The following CALCR variants were observed in gnomAD, a reference collection of about 807,000 sequenced individuals.
CALCR encodes the protein calcitonin receptor.
CALCR carries 47 observed loss-of-function variants against 59.5 expected under a neutral mutation model. That is an observed-to-expected ratio of 0.79 (90% CI 0.63 to 1.01). The LOEUF (loss-of-function observed/expected upper bound fraction) is 1.01, where lower values mean the gene tolerates loss of function less well. Among genes scored for constraint, CALCR ranks in the 50% least tolerant of loss-of-function variants. CALCR has a pLI of 0.00. For synonymous variants in CALCR, 213 were observed against 211.3 expected (o/e 1.01, Z -0.07); for missense variants, 566 against 597.1 (o/e 0.95, Z 0.54).
At chr7:93,539,870 C>T (rs748068858) in intron 2 of CALCR, among the ~76,000 whole-genome samples, 3 of 152,284 alleles carry the variant, frequency 2.0e-5, no homozygotes, top group Non-Finnish European at 4.4e-5. Flanking sequence ...GGAGAACCCA[C>T]ATCAAAGTAG....
intron 2 of CALCR, among the ~76,000 whole-genome samples, chr7:93,529,425 A>G (rs1320708900): frequency 6.6e-6 from 1 of 152,178 alleles, no homozygotes; most frequent in Non-Finnish European, 1.5e-5. Flanking sequence ...ACCATGAGTT[A>G]ATTAAACCTC....
intron 13 of CALCR, among the ~76,000 whole-genome samples, chr7:93,428,017 GT>G (rs1463650958): frequency 2.0e-5 from 3 of 152,114 alleles, no homozygotes; most frequent in Admixed American, 2.0e-4. Context: ...GTTTTATTTT[GT>G]TTTGGGGTTA....
intron 8 of CALCR, among the ~76,000 whole-genome samples, chr7:93,450,839 T>C (rs1800094155): frequency 6.6e-6 from 1 of 151,968 alleles, no homozygotes; most frequent in South Asian, 2.1e-4. Flanking sequence ...CACTGTAATA[T>C]ATACCCTGTA....
At chr7:93,552,478 A>C (rs747345092) in intron 2 of CALCR, among the ~76,000 whole-genome samples, 3 of 152,176 alleles carry the variant, frequency 2.0e-5, no homozygotes, top group Non-Finnish European at 2.9e-5. Flanking sequence ...TACAAATATG[A>C]TTTCAACTAA....
At chr7:93,568,476 C>T (rs961111189) in intron 2 of CALCR, among the ~76,000 whole-genome samples, 7 of 150,516 alleles carry the variant, frequency 4.7e-5, no homozygotes, top group East Asian at 2.0e-4. Flanking sequence ...CATGAGTGCT[C>T]GCTTTCTCCT....
chr7:93,516,379 A>C (rs999365219), intron 2 of CALCR, among the ~76,000 whole-genome samples: 2 of 151,976 alleles, frequency 1.3e-5, no homozygotes, highest in Admixed American at 6.6e-5. Flanking sequence ...ATTTATTCTA[A>C]GAAAATAATC....
chr7:93,486,549 A>T (rs1369144393), intron 3 of CALCR, among the ~76,000 whole-genome samples: 1 of 151,546 alleles, frequency 6.6e-6, no homozygotes. Flanking sequence ...TGAACAGCCC[A>T]GAAACTATCA....
chr7:93,445,706 T>C (rs1395180669), intron 8 of CALCR, among the ~76,000 whole-genome samples: 1 of 152,102 alleles, frequency 6.6e-6, no homozygotes, highest in East Asian at 1.9e-4. Flanking sequence ...TTAACATATG[T>C]TGCTGCTTCA....
chr7:93,563,790 A>G (rs959220855), intron 2 of CALCR, among the ~76,000 whole-genome samples: 1 of 152,168 alleles, frequency 6.6e-6, no homozygotes, highest in African/African-American at 2.4e-5. Context: ...ATTTACTTAC[A>G]TACTGGAGCT....
chr7:93,529,815 A>T (rs1487734194), intron 2 of CALCR, among the ~76,000 whole-genome samples: 1 of 152,172 alleles, frequency 6.6e-6, no homozygotes, highest in Non-Finnish European at 1.5e-5. Flanking sequence ...TAAAATACTT[A>T]GAATAGTCAC....
chr7:93,436,443 T>C (rs1411430415), intron 11 of CALCR, among the ~76,000 whole-genome samples: 1 of 152,172 alleles, frequency 6.6e-6, no homozygotes, highest in Non-Finnish European at 1.5e-5. Flanking sequence ...AATATGAGCC[T>C]TTCTATGGCG....
At chr7:93,479,240 G>T in intron 4 of CALCR, 114 bp downstream of exon 4, 1 of 1,048,886 alleles carries the variant, frequency 9.5e-7, no homozygotes, top group Non-Finnish European at 1.4e-6. Context: ...TGTGAAAACT[G>T]CTGTGAAAAC....
intron 2 of CALCR, among the ~76,000 whole-genome samples, chr7:93,504,678 T>C (rs1801390019): frequency 6.6e-6 from 1 of 152,166 alleles, no homozygotes; most frequent in African/African-American, 2.4e-5. Flanking sequence ...TAAGCAAAAC[T>C]GTATTTTTTT....
intron 2 of CALCR, among the ~76,000 whole-genome samples, chr7:93,558,701 A>G (rs189693612): frequency 9.2e-5 from 14 of 152,152 alleles, no homozygotes; most frequent in Non-Finnish European, 1.9e-4. Context: ...TACTGGAAGA[A>G]AAGAAAATAT....
At chr7:93,455,320 C>T (rs1005207840) in intron 8 of CALCR, among the ~76,000 whole-genome samples, 7 of 151,906 alleles carry the variant, frequency 4.6e-5, no homozygotes, top group Non-Finnish European at 8.8e-5. Flanking sequence ...TTGTCGTTCT[C>T]ATATTAGTTG....
intron 2 of CALCR, among the ~76,000 whole-genome samples, chr7:93,549,798 A>G (rs1288588299): frequency 6.6e-6 from 1 of 152,238 alleles, no homozygotes; most frequent in African/African-American, 2.4e-5. Flanking sequence ...CACCATGAAC[A>G]GTGTTTAAAT....
chr7:93,499,915 G>A (rs1050711336), intron 2 of CALCR, among the ~76,000 whole-genome samples: 2 of 151,828 alleles, frequency 1.3e-5, no homozygotes, highest in Non-Finnish European at 2.9e-5. Context: ...GTGGGATTAA[G>A]ATATAGTCCT....
At chr7:93,451,009 T>C (rs1219717839) in intron 8 of CALCR, among the ~76,000 whole-genome samples, 1 of 151,940 alleles carries the variant, frequency 6.6e-6, no homozygotes, top group East Asian at 1.9e-4. Context: ...CCCCAATTTA[T>C]CTATTTAGTT....
intron 8 of CALCR, among the ~76,000 whole-genome samples, chr7:93,450,627 G>T (rs1800089484): frequency 6.6e-6 from 1 of 151,836 alleles, no homozygotes; most frequent in Non-Finnish European, 1.5e-5. Flanking sequence ...AAAACCAAGG[G>T]AACTCTACTC....
Sources: gnomAD v4.1 joint callset for allele counts (sites outside exome capture counted in the v4.1 genomes callset) on GRCh38, gnomAD v4.1.1 for gene constraint, MANE v1.5 for transcripts, NCBI Gene and HGNC (gene_info 2026-07-23, HGNC 2026-07-21) for gene names.